The following PSMB2 variants were observed in gnomAD, a reference collection of about 807,000 sequenced individuals.
PSMB2 encodes proteasome 20S subunit beta 2.
A neutral mutation model predicts 25.7 loss-of-function variants in PSMB2; 13 were observed. The observed-to-expected ratio is 0.51, with a 90% confidence interval of 0.33 to 0.80. The LOEUF is 0.80. Ranked by LOEUF, PSMB2 falls within the 30% of genes least tolerant of loss-of-function variation. The pLI is 0.02. For missense variants in PSMB2, 202 were observed against 259.0 expected (o/e 0.78, Z 1.51); for synonymous variants, 87 against 96.2 (o/e 0.90, Z 0.56).
chr1:35,611,622 G>C (rs936248657), intron 3 of PSMB2, among the ~76,000 whole-genome samples: 5 of 152,236 alleles, frequency 3.3e-5, no homozygotes, highest in African/African-American at 9.6e-5. Flanking sequence ...TTAGGAGTTT[G>C]AGACCAGCCT....
rs772115951 is a variant in PSMB2 at position 35,603,226 on chromosome 1, C to CA, written c.*40dup. Reference sequence around the variant, plus strand: ...AGTAGAAAAAAATAAAGGAGCCCATCAAAAAAAAGTTCCCTGGCAAGTGGG... The same window carrying CA: ...AGTAGAAAAAAATAAAGGAGCCCATCAAAAAAAAAGTTCCCTGGCAAGTGGG... On this transcript the variant is annotated 3_prime_UTR_variant, in exon 6 of 6. Transcript: ENST00000373237. 16 of 1,590,326 alleles carry CA rather than the reference C, an allele frequency of 1.0e-5. No homozygotes were observed. In the Admixed American group the frequency reaches 1.3e-4, roughly 13 times the overall value.
intron 3 of PSMB2, among the ~76,000 whole-genome samples, chr1:35,628,591 AAAAAAATATATATATATATATATAT>A (rs1299406993): frequency 4.5e-5 from 1 of 22,124 alleles, no homozygotes; most frequent in African/African-American, 2.1e-4. Context: ...AAAAAAAAAA[AAAAAAATATATATATATATATATAT>A]ATATATATAT....
intron 3 of PSMB2, among the ~76,000 whole-genome samples, chr1:35,628,565 G>C (rs1475880754): frequency 1.4e-5 from 1 of 69,046 alleles, no homozygotes; most frequent in Non-Finnish European, 2.5e-5. Context: ...TGGTGACAAT[G>C]ACTTTCTTGG....
At chr1:35,617,111 T>C (rs1167164544) in intron 3 of PSMB2, among the ~76,000 whole-genome samples, 1 of 152,144 alleles carries the variant, frequency 6.6e-6, no homozygotes, top group Non-Finnish European at 1.5e-5. Context: ...TACAGTGGCA[T>C]GATCTCGGCT....
intron 3 of PSMB2, among the ~76,000 whole-genome samples, chr1:35,620,721 G>C (rs1410779481): frequency 2.0e-5 from 3 of 150,316 alleles, no homozygotes; most frequent in African/African-American, 7.3e-5. Context: ...AGGCAAGACT[G>C]TCTCAAAAAA....
chr1:35,617,051 C>A (rs992665016), intron 3 of PSMB2, among the ~76,000 whole-genome samples: 35 of 151,982 alleles, frequency 2.3e-4, no homozygotes, highest in Non-Finnish European at 3.5e-4. Context: ...ATCATTTATA[C>A]CCTGACTTTT....
At chr1:35,635,511 A>T (rs1364813137) in intron 2 of PSMB2, among the ~76,000 whole-genome samples, 3 of 152,006 alleles carry the variant, frequency 2.0e-5, no homozygotes, top group Non-Finnish European at 4.4e-5. Flanking sequence ...TAGGGTCTAG[A>T]CAACTTCTTA....
intron 3 of PSMB2, among the ~76,000 whole-genome samples, chr1:35,615,075 C>T (rs1382400705): frequency 6.6e-6 from 1 of 152,108 alleles, no homozygotes; most frequent in African/African-American, 2.4e-5. Context: ...TGTAATAATG[C>T]AGATTGACTA....
chr1:35,636,386 A>G lies in PSMB2; in HGVS notation c.138T>C (p.Cys46=). Residue 46 remains cysteine (C), a synonymous_variant, in exon 2 of 6, where the codon TGT becomes TGC. Transcript: ENST00000373237. Reference sequence around the variant, plus strand: ...GTACAGTGTCTCCAGCCTCTCCAACACACAGGAGTAATATCTTTTCACTCA... The same window carrying G: ...GTACAGTGTCTCCAGCCTCTCCAACGCACAGGAGTAATATCTTTTCACTCA... The part of the protein sequence containing the change: ...FKMSEKILLL[C]VGEAGDTVQF... The G allele has an allele frequency of 6.2e-7, 1 of 1,614,036 alleles. No individual in the cohort carries two copies. Among genetic ancestry groups the G allele is most frequent in the Non-Finnish European group, 8.5e-7 (1 of 1,179,902 alleles).
intron 3 of PSMB2, among the ~76,000 whole-genome samples, chr1:35,625,329 AC>A (rs1165721922): frequency 6.6e-6 from 1 of 152,084 alleles, no homozygotes; most frequent in Non-Finnish European, 1.5e-5. Context: ...CCAGCATCCT[AC>A]TCTAAGCCTT....
At chr1:35,615,672 G>A (rs1477449507) in intron 3 of PSMB2, among the ~76,000 whole-genome samples, 6 of 152,190 alleles carry the variant, frequency 3.9e-5, no homozygotes, top group African/African-American at 9.7e-5. Flanking sequence ...CCTGCCAAGC[G>A]TGGACACAGA....
chr1:35,632,623 G>C (rs1366541068), intron 2 of PSMB2, among the ~76,000 whole-genome samples: 1 of 152,210 alleles, frequency 6.6e-6, no homozygotes, highest in Non-Finnish European at 1.5e-5. Flanking sequence ...GCCAGGTGCA[G>C]TGGCTCATGC....
intron 3 of PSMB2, among the ~76,000 whole-genome samples, chr1:35,629,349 C>G (rs1651020230): frequency 6.6e-6 from 1 of 152,202 alleles, no homozygotes; most frequent in African/African-American, 2.4e-5. Context: ...TATGAACTTT[C>G]CTAGCACATC....
chr1:35,605,213 A>G lies in PSMB2; in HGVS notation c.498+20T>C, dbSNP rs201597935. 1 of 1,595,592 alleles carries G rather than the reference A, an allele frequency of 6.3e-7. No individual in the cohort carries two copies. On this transcript the variant is annotated intron_variant, in intron 5 of 5. Transcript: ENST00000373237. ...CAGAGAGACAAACATTCCTTTCAGG[A>G]TCCTATGGGAACTACTCACCTCCTC...
chr1:35,628,799 C>T (rs890901802), intron 3 of PSMB2, among the ~76,000 whole-genome samples: 1 of 150,830 alleles, frequency 6.6e-6, no homozygotes, highest in Non-Finnish European at 1.5e-5. Context: ...CTGAGAGGTA[C>T]TATTTATTGA....
chr1:35,610,561 T>A (rs1386341888), intron 3 of PSMB2, among the ~76,000 whole-genome samples: 1 of 152,144 alleles, frequency 6.6e-6, no homozygotes, highest in East Asian at 1.9e-4. Flanking sequence ...AATGGTGCGA[T>A]CTTGGCTCAC....
At chr1:35,625,410 T>TG (rs1650825553) in intron 3 of PSMB2, among the ~76,000 whole-genome samples, 1 of 152,114 alleles carries the variant, frequency 6.6e-6, no homozygotes, top group Admixed American at 6.5e-5. Flanking sequence ...ATCTGTTAAA[T>TG]GGAGATAATT....
At chr1:35,608,554 A>G (rs1257524485) in intron 4 of PSMB2, among the ~76,000 whole-genome samples, 3 of 152,226 alleles carry the variant, frequency 2.0e-5, no homozygotes, top group Admixed American at 1.3e-4. Flanking sequence ...ATCTGTTTAC[A>G]TTACATGTAT....
chr1:35,634,859 C>T (rs1205328179), intron 2 of PSMB2, among the ~76,000 whole-genome samples: 1 of 151,316 alleles, frequency 6.6e-6, no homozygotes, highest in Non-Finnish European at 1.5e-5. Flanking sequence ...ACAATCATAA[C>T]TCACTGCAGC....
Sources: gnomAD v4.1 joint callset for allele counts (sites outside exome capture counted in the v4.1 genomes callset) on GRCh38, gnomAD v4.1.1 for gene constraint, MANE v1.5 for transcripts, NCBI Gene and HGNC (gene_info 2026-07-23, HGNC 2026-07-21) for gene names.